ADGRA3: variants seen among roughly 807,000 people sequenced by gnomAD.
ADGRA3 encodes G-protein coupled receptor 125.
A neutral mutation model predicts 119.8 loss-of-function variants in ADGRA3; 56 were observed. That is an observed-to-expected ratio of 0.47 (90% confidence interval 0.38 to 0.58). The LOEUF (loss-of-function observed/expected upper bound fraction) is 0.58. Among genes scored for constraint, ADGRA3 ranks in the 20% least tolerant of loss-of-function variants. The pLI is 0.00. For missense variants in ADGRA3, 1,516 were observed against 1,649.0 expected, an observed-to-expected ratio of 0.92 and a Z score of 1.40; for synonymous variants, 607 against 623.8, an observed-to-expected ratio of 0.97 and a Z score of 0.40.
intron 2 of ADGRA3, among the ~76,000 whole-genome samples, chr4:22,462,224 A>G (rs932887922): frequency 6.6e-6 from 1 of 152,152 alleles, no homozygotes; most frequent in Non-Finnish European, 1.5e-5. Flanking sequence ...CTTCAAAAAT[A>G]TACACTCTAA....
intron 12 of ADGRA3, 125 bp downstream of exon 12, chr4:22,420,761 A>G (rs1175353178): frequency 1.1e-6 from 1 of 887,918 alleles, no homozygotes; most frequent in East Asian, 2.4e-5. Context: ...ACAGTAGCAA[A>G]AGCAATAATA....
intron 14 of ADGRA3, among the ~76,000 whole-genome samples, chr4:22,405,975 C>A (rs1046377724): frequency 4.6e-5 from 7 of 152,110 alleles, no homozygotes; most frequent in African/African-American, 9.7e-5. Flanking sequence ...CTAGACCCTT[C>A]CCTTCCCAGC....
chr4:22,442,820 A>G lies in ADGRA3; in HGVS notation c.750T>C (p.His250=). 1.2e-6 allele frequency: 2 copies of G among 1,613,622 alleles called. No homozygotes were observed. Among genetic ancestry groups the G allele is most frequent in the Non-Finnish European group, 1.7e-6 (2 of 1,179,638 alleles). ...ELPSFYMTPS[H]RQVVFEGDSL... The stretch of plus-strand genomic sequence containing the variant: ...TGTCTCCTTCAAACACAACTTGGCG[A>G]TGAGATGGAGTCATGTAGAAAGACG... The change falls in exon 7 of 19, where the codon CAT becomes CAC. Residue 250 remains histidine (H), a synonymous_variant. Coordinates refer to ENST00000334304, the MANE Select transcript of ADGRA3 (RefSeq NM_145290.4).
intron 6 of ADGRA3, among the ~76,000 whole-genome samples, chr4:22,444,740 A>C (rs1346877832): frequency 2.0e-5 from 3 of 152,148 alleles, no homozygotes; most frequent in Non-Finnish European, 2.9e-5. Context: ...TTGCATAAAG[A>C]AAGCTGATGT....
At chr4:22,397,517 A>G (rs998251457) in intron 16 of ADGRA3, among the ~76,000 whole-genome samples, 1 of 152,160 alleles carries the variant, frequency 6.6e-6, no homozygotes, top group South Asian at 2.1e-4. Context: ...ATAGTTAAAC[A>G]GTAAATCATA....
chr4:22,393,032 T>TC, intron 16 of ADGRA3: 1 of 163,336 alleles, frequency 6.1e-6, no homozygotes, highest in Non-Finnish European at 1.3e-5. Context: ...CATTTTCTTT[T>TC]TTTTTTTTTT....
At chr4:22,496,659 G>C (rs1234248309) in intron 1 of ADGRA3, among the ~76,000 whole-genome samples, 3 of 152,150 alleles carry the variant, frequency 2.0e-5, no homozygotes, top group African/African-American at 7.2e-5. Context: ...CTACCAGTAA[G>C]AAATCTTGAG....
chr4:22,507,786 G>A (rs376723883), intron 1 of ADGRA3, among the ~76,000 whole-genome samples: 22 of 152,166 alleles, frequency 1.4e-4, no homozygotes, highest in East Asian at 1.2e-3. Flanking sequence ...CAATATTCCC[G>A]GTAGGAATTC....
intron 1 of ADGRA3, among the ~76,000 whole-genome samples, chr4:22,482,504 A>G (rs949552495): frequency 6.6e-6 from 1 of 151,688 alleles, no homozygotes; most frequent in Non-Finnish European, 1.5e-5. Flanking sequence ...AAAAAAAAAA[A>G]AAGTAAAGAC....
intron 10 of ADGRA3, among the ~76,000 whole-genome samples, chr4:22,435,011 G>A (rs186629247): frequency 2.0e-5 from 3 of 152,300 alleles, no homozygotes; most frequent in Admixed American, 2.0e-4. Context: ...GAGCTAAGCA[G>A]CTCTGCCTAA....
intron 11 of ADGRA3, among the ~76,000 whole-genome samples, chr4:22,423,534 C>A (rs749137564): frequency 1.3e-5 from 2 of 152,022 alleles, no homozygotes; most frequent in Non-Finnish European, 2.9e-5. Flanking sequence ...CTTTTTAGGA[C>A]GAAAAAGTAA....
chr4:22,460,227 C>A (rs1302514769), intron 3 of ADGRA3, among the ~76,000 whole-genome samples: 1 of 152,130 alleles, frequency 6.6e-6, no homozygotes, highest in African/African-American at 2.4e-5. Flanking sequence ...CCTGTGTGTG[C>A]GTTCAGACGT....
At chr4:22,416,616 C>A (rs1253490198) in intron 12 of ADGRA3, among the ~76,000 whole-genome samples, 3 of 152,128 alleles carry the variant, frequency 2.0e-5, no homozygotes. Context: ...GTTGTTACTG[C>A]AGCACAGTGG....
intron 6 of ADGRA3, among the ~76,000 whole-genome samples, chr4:22,443,726 C>T (rs568420324): frequency 2.4e-4 from 37 of 151,984 alleles, no homozygotes; most frequent in Middle Eastern, 3.4e-3. Context: ...TAGAGTGTAA[C>T]GATATTTTGG....
chr4:22,515,764 C>T lies in ADGRA3; in HGVS notation c.21G>A (p.Arg7=). 2 of 1,020,456 alleles carry T rather than the reference C, an allele frequency of 2.0e-6. No individual in the cohort carries two copies. Among genetic ancestry groups the T allele is most frequent in the Non-Finnish European group, 2.3e-6 (2 of 857,290 alleles). 63.2% of individuals were successfully genotyped at this position (1,020,456 alleles called of 1,614,324 possible). ...ACAGCGGCGGCTGCGCGCGGCCCCG[C>T]CGGCGTCCGGGTGGCTCCATGCTGC... MEPPGR[R]RGRAQPPLLL... Residue 7 remains arginine (R), a synonymous_variant, in exon 1 of 19, where the codon CGG becomes CGA. Transcript: ENST00000334304.
intron 1 of ADGRA3, chr4:22,478,037 G>A (rs145799349): frequency 6.6e-6 from 1 of 152,204 alleles, no homozygotes; most frequent in East Asian, 1.9e-4. Flanking sequence ...TATAAAACTT[G>A]AGCGAAGTCA....
intron 1 of ADGRA3, among the ~76,000 whole-genome samples, chr4:22,478,956 A>G (rs1355567530): frequency 6.6e-6 from 1 of 152,230 alleles, no homozygotes; most frequent in Non-Finnish European, 1.5e-5. Flanking sequence ...GTTAAAAGAT[A>G]AACAATAAAT....
chr4:22,413,665 T>G lies in ADGRA3; in HGVS notation c.1959A>C (p.Ser653=), dbSNP rs769687469. ...NGKLFPATGN[S]TNLADDGKRR... ...GTTTTCCATCATCAGCCAAATTTGT[T>G]GAATTTCCAGTGGCTGGAAAAAGCT... The change falls in exon 13 of 19, where the codon TCA becomes TCC. Residue 653 remains serine, a synonymous_variant. Transcript: ENST00000334304. 4.3e-6 allele frequency: 7 copies of G among 1,614,044 alleles called. No homozygotes were observed. The South Asian group carries it at 7.7e-5, about 18-fold the overall frequency.
chr4:22,402,585 TAAC>T, intron 15 of ADGRA3, 87 bp downstream of exon 15: 1 of 1,371,090 alleles, frequency 7.3e-7, no homozygotes, highest in Non-Finnish European at 1.0e-6. Context: ...TACAGGATGA[TAAC>T]AAACTCAATT....
Sources: allele counts gnomAD v4.1 joint callset (sites outside exome capture counted in the v4.1 genomes callset), GRCh38; gene constraint gnomAD v4.1.1; transcripts MANE v1.5; gene names NCBI Gene and HGNC (gene_info 2026-07-23, HGNC 2026-07-21).